MYH7B: variants seen among roughly 807,000 people sequenced by gnomAD.
MYH7B encodes myosin-7B.
In MYH7B, 205 loss-of-function variants were observed where a neutral mutation model predicts 234.5. The ratio of observed to expected loss-of-function variants is 0.87; its 90% CI spans 0.78 to 0.98. MYH7B has a LOEUF of 0.98. MYH7B is among the 50% of genes least tolerant of loss of function. The pLI, the probability that MYH7B is intolerant of heterozygous loss-of-function variation, is 0.00. For synonymous variants in MYH7B, 1,193 were observed against 1,105.0 expected (o/e 1.08, Z -1.58); for missense variants, 2,652 against 2,633.4 (o/e 1.01, Z -0.15).
rs374167272 is a variant in MYH7B at position 35,001,981 on chromosome 20, C to T, written c.5710C>T (p.Arg1904Cys). The change falls in exon 44 of 45, where the codon CGC (arginine) becomes TGC (cysteine). Residue 1904 changes from arginine to cysteine, a missense_variant. Physicochemically the swap from Arg to Cys is radical, Grantham distance 180. This residue lies in a region of MYH7B where 2,279 missense variants were observed against 2,211.4 expected (regional missense o/e 1.03). Transcript: ENST00000262873. ...GGCCAACACCAACCTGGCCAAGTAT[C>T]GCAAGGCCCAGCACGAGCTGGATGA... is the stretch of plus-strand genomic sequence containing the variant. 90 of 1,613,744 alleles carry T rather than the reference C, an allele frequency of 5.6e-5. No individual in the cohort carries two copies. The highest frequency in any genetic ancestry group is 6.5e-5 in the Non-Finnish European group (77 of 1,179,882).
At chr20:34,965,260 G>T (rs1374537614) in intron 2 of MYH7B, among the ~76,000 whole-genome samples, 1 of 152,206 alleles carries the variant, frequency 6.6e-6, no homozygotes, top group East Asian at 1.9e-4. Context: ...TTTGCACATA[G>T]GCAGTTGGAC....
intron 41 of MYH7B, 42 bp downstream of exon 41, chr20:35,001,200 T>C (rs374737305): frequency 4.4e-6 from 7 of 1,606,342 alleles, no homozygotes; most frequent in African/African-American, 1.3e-5. Flanking sequence ...GCAGGGTGGG[T>C]GACCCAGGGG....
chr20:34,957,002 T>G (rs2081643898), intron 1 of MYH7B, among the ~76,000 whole-genome samples: 1 of 152,208 alleles, frequency 6.6e-6, no homozygotes, highest in Non-Finnish European at 1.5e-5. Flanking sequence ...TGCTGTGAGC[T>G]GAGATCACGC....
chr20:34,962,183 C>T lies in MYH7B; in HGVS notation c.-222+3971C>T, dbSNP rs541333968. Among the ~76,000 whole-genome samples the T allele has an allele frequency of 4.6e-5, 7 of 152,204 alleles. No individual in the cohort carries two copies. In the East Asian group the frequency reaches 1.2e-3, roughly 25 times the overall value. On this transcript the variant is annotated intron_variant, in intron 2 of 44. Transcript: ENST00000262873. ...TCAAGGCTGCAGGGACCTATGGTCACGCCACTGCACTCCAGCATGGGTGAC... is the reference window on the plus strand; with the variant it reads ...TCAAGGCTGCAGGGACCTATGGTCATGCCACTGCACTCCAGCATGGGTGAC...
At chr20:34,986,327 C>T in intron 14 of MYH7B, 129 bp downstream of exon 14, 1 of 699,014 alleles carries the variant, frequency 1.4e-6, no homozygotes, top group Non-Finnish European at 2.4e-6. Context: ...GCCTCTCTTC[C>T]TTCTTGGGAC....
chr20:34,986,944 C>T (rs2082036900), exon 15 of MYH7B: 1 of 1,614,050 alleles, frequency 6.2e-7, no homozygotes, highest in South Asian at 1.1e-5. Flanking sequence ...AGGGCGTCAT[C>T]ACCGTGGACA....
At position 34,999,425 on chromosome 20, in the gene MYH7B, A is replaced by T. The variant is rs377319782; in HGVS notation, c.4540+20A>T. The stretch of plus-strand genomic sequence containing the variant: ...TGCAGGGTAGGACCTGCCACACGCC[A>T]GGGCCAGGGTGCTGCCCTGGGGTCG... On this transcript the variant is annotated intron_variant, in intron 36 of 44. Coordinates refer to ENST00000262873, the Ensembl canonical transcript of MYH7B. The T allele has an allele frequency of 6.6e-7, 1 of 1,510,604 alleles. No individual in the cohort carries two copies. Among genetic ancestry groups the T allele is most frequent in the Non-Finnish European group, 8.8e-7 (1 of 1,130,410 alleles). The allele number at this position is 1,510,604 out of a possible 1,614,324, so 93.6% of individuals were successfully genotyped here. A position where few individuals can be genotyped will look rare whatever the true frequency, so the allele number is the denominator to read the frequency against.
chr20:34,985,230 G>A, intron 13 of MYH7B, 101 bp downstream of exon 13: 1 of 1,146,682 alleles, frequency 8.7e-7, no homozygotes, highest in East Asian at 2.4e-5. Flanking sequence ...TGCCTGCTCT[G>A]GGCACTTCTC....
chr20:34,996,560 G>T (rs763812615), intron 29 of MYH7B, 38 bp downstream of exon 29: 2 of 1,601,416 alleles, frequency 1.2e-6, no homozygotes, highest in Admixed American at 3.5e-5. Context: ...TGGCGGGGCC[G>T]GGGTGCCGGC....
intron 2 of MYH7B, among the ~76,000 whole-genome samples, chr20:34,974,320 T>C (rs1337746533): frequency 6.7e-6 from 1 of 149,128 alleles, no homozygotes; most frequent in Non-Finnish European, 1.5e-5. Context: ...TCCACCTGCC[T>C]CAGCCTCCGA....
At chr20:34,960,446 A>G (rs2081684693) in intron 2 of MYH7B, among the ~76,000 whole-genome samples, 1 of 152,152 alleles carries the variant, frequency 6.6e-6, no homozygotes, top group Admixed American at 6.5e-5. Flanking sequence ...CGTGTTAGCC[A>G]GGATGGTCTC....
chr20:34,977,795 G>A (rs112110435), intron 4 of MYH7B, 115 bp downstream of exon 4: 9 of 1,496,948 alleles, frequency 6.0e-6, no homozygotes, highest in Non-Finnish European at 8.3e-6. Context: ...GGAAGCCCTG[G>A]TGTTTGAGGG....
intron 24 of MYH7B, among the ~76,000 whole-genome samples, chr20:34,992,045 C>T (rs1480384808): frequency 6.6e-6 from 1 of 152,192 alleles, no homozygotes; most frequent in Non-Finnish European, 1.5e-5. Context: ...CATGTGTCCA[C>T]TTAGAAGTGG....
intron 2 of MYH7B, among the ~76,000 whole-genome samples, chr20:34,964,259 G>A (rs1309904850): frequency 6.6e-6 from 1 of 152,036 alleles, no homozygotes; most frequent in Admixed American, 6.6e-5. Context: ...TGTCAGTCTA[G>A]TGATGTGAAA....
At chr20:34,964,769 A>G (rs190234991) in intron 2 of MYH7B, among the ~76,000 whole-genome samples, 8 of 152,302 alleles carry the variant, frequency 5.3e-5, no homozygotes, top group African/African-American at 1.7e-4. Context: ...AAATTTTTGT[A>G]AAATTAAAAA....
chr20:35,001,432 C>T (rs372830020), exon 43 of MYH7B: 14 of 1,598,596 alleles, frequency 8.8e-6, no homozygotes, highest in Non-Finnish European at 1.1e-5. Context: ...CCCGCCCAGG[C>T]CGAGGAGGAC....
rs376727020 is a variant in MYH7B, at chr20:34,997,601, C to T, written c.3708C>T (p.Asp1236=). 444 of 1,613,414 alleles carry T rather than the reference C, an allele frequency of 2.8e-4. No individual in the cohort carries two copies. Among genetic ancestry groups the T allele is most frequent in the Non-Finnish European group, 3.4e-4 (407 of 1,179,736 alleles). ...AGAGTGAGCTGCGCATGGAGGTGGA[C>T]GACCTGGCTGCCAACGTGGAGACTC... Residue 1236 remains aspartate, a synonymous_variant, in exon 32 of 45, where the codon GAC becomes GAT. Transcript: ENST00000262873.
At chr20:34,972,626 G>A in intron 2 of MYH7B, among the ~76,000 whole-genome samples, 1 of 152,044 alleles carries the variant, frequency 6.6e-6, no homozygotes, top group East Asian at 1.9e-4. Flanking sequence ...TGGCAGTCTG[G>A]GTGTCACACT....
At position 34,979,550 on chromosome 20, in the gene MYH7B, A is replaced by G. The variant is rs534192590; in HGVS notation, c.198+54A>G. 10 of 1,596,918 alleles carry G rather than the reference A, an allele frequency of 6.3e-6. No homozygotes were observed. In the East Asian group the frequency reaches 2.2e-4, roughly 36 times the overall value. ...CTCTCTGTCCCTAGGCCTCCTGGCCAACAGGATCTGCCCTCTGGTTGAAGG... is the reference window on the plus strand; with the variant it reads ...CTCTCTGTCCCTAGGCCTCCTGGCCGACAGGATCTGCCCTCTGGTTGAAGG... On this transcript the variant is annotated intron_variant, in intron 6 of 44. Transcript: ENST00000262873.
Sources: gnomAD v4.1 joint callset for allele counts (sites outside exome capture counted in the v4.1 genomes callset) on GRCh38, gnomAD v4.1.1 for gene constraint, gnomAD v4.1.1 regional missense constraint, MANE v1.5 for transcripts, NCBI Gene and HGNC (gene_info 2026-07-23, HGNC 2026-07-21) for gene names.